Variants in UBE3B observed in about 807,000 individuals in gnomAD.
UBE3B encodes the protein ubiquitin-protein ligase E3B.
Under a neutral mutation model 132.3 loss-of-function variants are expected in UBE3B, and 80 were observed. The observed-to-expected ratio is 0.60, with a 90% CI of 0.50 to 0.73. UBE3B has a LOEUF of 0.73. UBE3B is among the 30% of genes least tolerant of loss of function. UBE3B has a pLI of 0.00. For synonymous variants in UBE3B, 487 were observed against 520.4 expected (o/e 0.94, Z 0.87); for missense variants, 1,196 against 1,362.5 (o/e 0.88, Z 1.92).
intron 12 of UBE3B, among the ~76,000 whole-genome samples, chr12:109,500,888 G>A (rs948336405): frequency 4.6e-5 from 7 of 152,202 alleles, no homozygotes; most frequent in African/African-American, 1.7e-4. Context: ...ACCACTAGGA[G>A]TCTCACCTCA....
chr12:109,499,885 A>G (rs112747408), intron 12 of UBE3B, 75 bp downstream of exon 12: 16 of 1,360,842 alleles, frequency 1.2e-5, no homozygotes, highest in Middle Eastern at 1.9e-4. Context: ...TCTTTCTTCC[A>G]GCTTGTGGTG....
At chr12:109,546,245 G>T in the UBE3B span, among the ~76,000 whole-genome samples, 1 of 152,116 alleles carries the variant, frequency 6.6e-6, no homozygotes, top group Non-Finnish European at 1.5e-5. Context: ...TATCACAGGG[G>T]CCCCTGGTGA....
rs533662486 is a variant in UBE3B, at chr12:109,531,658, G to A, written c.2922+1000G>A. On this transcript the variant is annotated intron_variant, in intron 26 of 27. Transcript: ENST00000342494. ...TTATTCCTGTTGAAGAGGCCCTCAC[G>A]CAGTCCAGCAGATAACACAAATGCC... is the stretch of plus-strand genomic sequence containing the variant. Among the ~76,000 whole-genome samples the A allele has an allele frequency of 2.0e-4, 30 of 152,116 alleles. No individual in the cohort carries two copies. In the Middle Eastern group the frequency reaches 0.01, roughly 52 times the overall value.
At position 109,522,996 on chromosome 12, in the gene UBE3B, C is replaced by T. The variant is rs916121388; in HGVS notation, c.2365-982C>T. On this transcript the variant is annotated intron_variant, in intron 21 of 27. Coordinates refer to ENST00000342494, the MANE Select transcript of UBE3B (RefSeq NM_130466.4). The surrounding 1 kb of genome is among the most constrained non-coding windows in gnomAD (Gnocchi z 4.2). ...CCACCTGGAAAGCATGGCCTCCTGG[C>T]TTCTCTGAATGTCATGCCATTTCCC... Among the ~76,000 whole-genome samples, 1 of 152,244 alleles carries T rather than the reference C, an allele frequency of 6.6e-6. No individual in the cohort carries two copies. Among genetic ancestry groups the T allele is most frequent in the Non-Finnish European group, 1.5e-5 (1 of 68,046 alleles).
downstream of UBE3B, among the ~76,000 whole-genome samples, chr12:109,541,605 A>G (rs1282558506): frequency 2.0e-5 from 3 of 152,058 alleles, no homozygotes; most frequent in African/African-American, 4.8e-5. Context: ...AAACAATTCC[A>G]TTGGCTCCTA....
intron 26 of UBE3B, among the ~76,000 whole-genome samples, chr12:109,532,860 C>A (rs1592977333): frequency 6.6e-6 from 1 of 152,200 alleles, no homozygotes; most frequent in African/African-American, 2.4e-5. Context: ...TGCACAGGGT[C>A]CCCCGGGGCC....
intron 16 of UBE3B, among the ~76,000 whole-genome samples, chr12:109,510,075 A>T (rs146650861): frequency 6.6e-6 from 1 of 152,206 alleles, no homozygotes; most frequent in Non-Finnish European, 1.5e-5. Context: ...AGTGTCTCCA[A>T]TTGCTCAGGA....
intron 1 of UBE3B, among the ~76,000 whole-genome samples, chr12:109,479,161 C>T (rs1270453392): frequency 6.6e-6 from 1 of 152,190 alleles, no homozygotes; most frequent in South Asian, 2.1e-4. Flanking sequence ...CACTCATTTA[C>T]TTTTTTAAAT....
chr12:109,517,795 A>T (rs1881243338), intron 19 of UBE3B: 2 of 302,504 alleles, frequency 6.6e-6, no homozygotes, highest in East Asian at 9.1e-5. Context: ...GATCCCCTGA[A>T]GTATGTGGCC....
At chr12:109,532,446 T>C (rs2287184) in intron 26 of UBE3B, among the ~76,000 whole-genome samples, 25,977 of 152,202 alleles carry the variant, frequency 0.17, 2,286 homozygotes, top group African/African-American at 0.19. Context: ...GTCTCAGGAA[T>C]CTCAGAACCA....
chr12:109,499,128 G>A (rs1878616027), intron 11 of UBE3B, among the ~76,000 whole-genome samples: 1 of 152,164 alleles, frequency 6.6e-6, no homozygotes, highest in African/African-American at 2.4e-5. Flanking sequence ...CAAATTTCAT[G>A]AGGAGTTTCT....
rs1362784776 is a variant in UBE3B at position 109,521,957 on chromosome 12, C to G, written c.2364+406C>G. On this transcript the variant is annotated intron_variant, in intron 21 of 27. Coordinates refer to ENST00000342494, the MANE Select transcript of UBE3B (RefSeq NM_130466.4). This position sits in a 1 kb window ranked among gnomAD's most constrained non-coding sequence, Gnocchi z 4.2. Reference sequence around the variant, plus strand: ...CCAGATGGCCACACGGAGGCTGGGTCCCCGTTGTAGGAGGGCAGCATTTTG... The same window carrying G: ...CCAGATGGCCACACGGAGGCTGGGTGCCCGTTGTAGGAGGGCAGCATTTTG... Among the ~76,000 whole-genome samples the G allele has an allele frequency of 6.6e-6, 1 of 152,170 alleles. No individual in the cohort carries two copies. Among genetic ancestry groups the G allele is most frequent in the African/African-American group, 2.4e-5 (1 of 41,442 alleles).
intron 8 of UBE3B, chr12:109,490,292 C>A: frequency 8.3e-7 from 1 of 1,211,674 alleles, no homozygotes; most frequent in Non-Finnish European, 1.1e-6. Flanking sequence ...AGGGCTTGTT[C>A]CCTCAGATTC....
At chr12:109,512,605 A>G (rs1184999504) in intron 18 of UBE3B, among the ~76,000 whole-genome samples, 1 of 152,184 alleles carries the variant, frequency 6.6e-6, no homozygotes, top group Non-Finnish European at 1.5e-5. Context: ...CGAAGTAGAC[A>G]TATTTTTAGA....
At chr12:109,478,333 T>C (rs1010565826) in intron 1 of UBE3B, among the ~76,000 whole-genome samples, 2 of 152,176 alleles carry the variant, frequency 1.3e-5, no homozygotes, top group African/African-American at 4.8e-5. Flanking sequence ...GCCCTGGATC[T>C]TGTTTGTTTT....
At position 109,534,399 on chromosome 12, in the gene UBE3B, G is replaced by C. The variant is rs563814925; in HGVS notation, c.3016-192G>C. 8 of 1,414,132 alleles carry C rather than the reference G, an allele frequency of 5.7e-6. No homozygotes were observed. Among genetic ancestry groups the C allele is most frequent in the African/African-American group, 1.5e-5 (1 of 68,668 alleles). The allele number at this position is 1,414,132 out of a possible 1,614,324, so 87.6% of individuals were successfully genotyped here. ...TCTGTGCAGGCCCCAGGGAGAAGGGGTTCCTTCTCTGGAAGCCAGTCGTCT... is the reference window on the plus strand; with the variant it reads ...TCTGTGCAGGCCCCAGGGAGAAGGGCTTCCTTCTCTGGAAGCCAGTCGTCT... On this transcript the variant is annotated intron_variant, in intron 27 of 27. Transcript: ENST00000342494. This position sits in a 1 kb window ranked among gnomAD's most constrained non-coding sequence, Gnocchi z 5.2.
Position 109,524,085 on chromosome 12 carries a change from C to T in UBE3B, c.2472C>T (p.Ser824=), listed in dbSNP as rs758536392. The change falls in exon 22 of 28, where the codon TCC becomes TCT. Residue 824 remains serine, a synonymous_variant. Transcript: ENST00000342494. ...SSVDELPSLD[S]EFYKNLTSIK... ...TGGATGAACTGCCTTCTCTGGACTCCGAGTTCTATAAAAACCTCACCTCCA... is the reference window on the plus strand; with the variant it reads ...TGGATGAACTGCCTTCTCTGGACTCTGAGTTCTATAAAAACCTCACCTCCA... 8.7e-6 allele frequency: 14 copies of T among 1,614,184 alleles called. No homozygotes were observed. The South Asian group carries it at 9.9e-5, about 11-fold the overall frequency.
At chr12:109,506,260 G>A (rs1879663449) in intron 14 of UBE3B, among the ~76,000 whole-genome samples, 1 of 152,240 alleles carries the variant, frequency 6.6e-6, no homozygotes, top group African/African-American at 2.4e-5. Context: ...AGGGTCAGCA[G>A]ACTACTGTTG....
intron 19 of UBE3B, chr12:109,520,765 CT>C (rs906413421): frequency 7.1e-6 from 1 of 140,980 alleles, no homozygotes; most frequent in Non-Finnish European, 1.5e-5. Context: ...TTTCTTTTTT[CT>C]TTTTTTTACC....
Sources: allele counts gnomAD v4.1 joint callset (sites outside exome capture counted in the v4.1 genomes callset), GRCh38; gene constraint gnomAD v4.1.1; non-coding constraint Gnocchi (gnomAD v3.1); transcripts MANE v1.5; gene names NCBI Gene and HGNC (gene_info 2026-07-23, HGNC 2026-07-21).